SMYD3: variants seen among roughly 807,000 people sequenced by gnomAD.
SMYD3 encodes SET and MYND domain containing 3.
A neutral mutation model predicts 57.7 loss-of-function variants in SMYD3; 36 were observed. That is an observed-to-expected ratio of 0.62 (90% confidence interval 0.48 to 0.82). SMYD3 has a LOEUF of 0.82. Ranked by LOEUF, SMYD3 falls within the 40% of genes least tolerant of loss-of-function variation. SMYD3 has a pLI of 0.00. For synonymous variants in SMYD3, 211 were observed against 195.0 expected, an observed-to-expected ratio of 1.08 and a Z score of -0.68; for missense variants, 515 against 538.8, an observed-to-expected ratio of 0.96 and a Z score of 0.44.
intron 8 of SMYD3, among the ~76,000 whole-genome samples, chr1:245,882,015 C>T (rs1279490151): frequency 1.3e-5 from 2 of 152,170 alleles, no homozygotes; most frequent in East Asian, 3.9e-4. Flanking sequence ...ATCTCCCCTC[C>T]AAGAAAGTGG....
rs532792957 is a variant in SMYD3 at position 246,356,539 on chromosome 1, G to A, written c.165-1445C>T. On this transcript the variant is annotated intron_variant, in intron 1 of 11. Coordinates refer to ENST00000490107, the MANE Select transcript of SMYD3 (RefSeq NM_001167740.2). ...AAGTGAACTCCAACTTAAAGAAATC[G>A]AAAACCTGATACAGAATATGAAAGG... Among the ~76,000 whole-genome samples the A allele has an allele frequency of 7.8e-4, 118 of 152,120 alleles. 1 individual carries two copies. Among genetic ancestry groups the A allele is most frequent in the African/African-American group, 2.7e-3 (113 of 41,478 alleles).
chr1:246,350,083 G>A (rs891608061), intron 2 of SMYD3, among the ~76,000 whole-genome samples: 1 of 152,134 alleles, frequency 6.6e-6, no homozygotes, highest in Non-Finnish European at 1.5e-5. Flanking sequence ...AAGATATACC[G>A]TGCTAACACT....
chr1:246,332,576 C>T (rs951383340), intron 3 of SMYD3, among the ~76,000 whole-genome samples: 1 of 152,222 alleles, frequency 6.6e-6, no homozygotes, highest in East Asian at 1.9e-4. Flanking sequence ...AAGGCCAAGG[C>T]GGGCAGATCA....
chr1:246,199,608 T>C (rs1017784733), intron 5 of SMYD3, among the ~76,000 whole-genome samples: 4 of 152,216 alleles, frequency 2.6e-5, no homozygotes, highest in Admixed American at 6.5e-5. Context: ...GGACAACGTT[T>C]GACACATTTC....
At chr1:246,125,541 T>G (rs2061497218) in intron 5 of SMYD3, among the ~76,000 whole-genome samples, 1 of 152,150 alleles carries the variant, frequency 6.6e-6, no homozygotes, top group African/African-American at 2.4e-5. Context: ...AATTTAAAAT[T>G]TTTAGCTATT....
intron 10 of SMYD3, among the ~76,000 whole-genome samples, chr1:245,824,897 G>A (rs985487006): frequency 1.3e-5 from 2 of 150,268 alleles, no homozygotes; most frequent in African/African-American, 2.4e-5. Flanking sequence ...CGGGTGTGGC[G>A]GCGTGTACCT....
At chr1:246,353,650 T>C (rs1322085352) in intron 2 of SMYD3, among the ~76,000 whole-genome samples, 1 of 152,258 alleles carries the variant, frequency 6.6e-6, no homozygotes, top group Non-Finnish European at 1.5e-5. Flanking sequence ...AAAGTCTGAA[T>C]ACCTGGGTTT....
chr1:246,282,340 A>G (rs1213322345), intron 5 of SMYD3, among the ~76,000 whole-genome samples: 2 of 120,728 alleles, frequency 1.7e-5, no homozygotes, highest in South Asian at 2.7e-4. Context: ...AAAAAAAAAA[A>G]GCAAAAAAAT....
chr1:246,125,059 G>C (rs1333665469), intron 5 of SMYD3, among the ~76,000 whole-genome samples: 2 of 98,592 alleles, frequency 2.0e-5, no homozygotes, highest in African/African-American at 4.8e-5. Flanking sequence ...GCGACAGAGC[G>C]AGACTCCGTC....
chr1:246,411,295 G>C (rs1340924792), intron 1 of SMYD3, among the ~76,000 whole-genome samples: 2 of 152,186 alleles, frequency 1.3e-5, no homozygotes, highest in Non-Finnish European at 2.9e-5. Context: ...ACACCAGTTA[G>C]AATGGCAATC....
At chr1:246,191,833 C>T (rs180995792) in intron 5 of SMYD3, among the ~76,000 whole-genome samples, 6 of 152,300 alleles carry the variant, frequency 3.9e-5, no homozygotes, top group East Asian at 3.9e-4. Context: ...AGTATGGCCA[C>T]GGACCAACAG....
At chr1:245,760,754 T>C (rs558795137) in intron 11 of SMYD3, among the ~76,000 whole-genome samples, 4 of 152,110 alleles carry the variant, frequency 2.6e-5, no homozygotes, top group South Asian at 2.1e-4. Flanking sequence ...GGAGCAGTCA[T>C]AGAACATAAT....
intron 5 of SMYD3, among the ~76,000 whole-genome samples, chr1:246,159,274 C>T (rs1364299878): frequency 1.3e-5 from 2 of 152,136 alleles, no homozygotes; most frequent in Non-Finnish European, 2.9e-5. Context: ...CATTAGGGAG[C>T]CAAGCTCCTT....
intron 5 of SMYD3, among the ~76,000 whole-genome samples, chr1:245,965,204 C>T (rs926273675): frequency 6.6e-6 from 1 of 152,066 alleles, no homozygotes; most frequent in Non-Finnish European, 1.5e-5. Context: ...ATTACGTATG[C>T]ATATATATGC....
intron 11 of SMYD3, among the ~76,000 whole-genome samples, chr1:245,757,916 A>C (rs2045678353): frequency 6.6e-6 from 1 of 152,032 alleles, no homozygotes; most frequent in Non-Finnish European, 1.5e-5. Flanking sequence ...GGATTCCTTG[A>C]GGTTCCATAT....
At position 246,338,253 on chromosome 1, in the gene SMYD3, G is replaced by A. The variant is rs76658454; in HGVS notation, c.229-2779C>T. Among the ~76,000 whole-genome samples, 1,245 of 152,208 alleles carry A rather than the reference G, an allele frequency of 8.2e-3. 18 individuals are homozygous for A. The highest frequency in any genetic ancestry group is 0.028 in the African/African-American group (1,153 of 41,536). On this transcript the variant is annotated intron_variant, in intron 2 of 11. Transcript: ENST00000490107. ...CTTCACCTATCACATCTTACCATAAGGGTTACGAATACAAGCATACCATAG... is the reference window on the plus strand; with the variant it reads ...CTTCACCTATCACATCTTACCATAAAGGTTACGAATACAAGCATACCATAG...
chr1:246,261,218 C>T (rs1418507757), intron 5 of SMYD3, among the ~76,000 whole-genome samples: 1 of 152,078 alleles, frequency 6.6e-6, no homozygotes, highest in African/African-American at 2.4e-5. Context: ...GCCACCACGC[C>T]TGGCTAATTT....
At chr1:245,845,487 A>G (rs368313170) in intron 10 of SMYD3, among the ~76,000 whole-genome samples, 26 of 152,212 alleles carry the variant, frequency 1.7e-4, no homozygotes, top group Non-Finnish European at 3.1e-4. Context: ...GAGAACCTCC[A>G]TAGAGTATGT....
Position 246,148,344 on chromosome 1 carries a change from G to A in SMYD3, c.531+178857C>T, listed in dbSNP as rs559469853. Among the ~76,000 whole-genome samples, 7 of 152,164 alleles carry A rather than the reference G, an allele frequency of 4.6e-5. No individual in the cohort carries two copies. The East Asian group carries it at 1.4e-3, about 29-fold the overall frequency. ...GTCTGAACGGCCTGCTTGTGAAGAG[G>A]AGCCACCATCTCCAGGGCCTCCTCT... On this transcript the variant is annotated intron_variant, in intron 5 of 11. Coordinates refer to ENST00000490107, the MANE Select transcript of SMYD3 (RefSeq NM_001167740.2).
Sources: allele counts gnomAD v4.1 joint callset (sites outside exome capture counted in the v4.1 genomes callset), GRCh38; gene constraint gnomAD v4.1.1; transcripts MANE v1.5; gene names NCBI Gene and HGNC (gene_info 2026-07-23, HGNC 2026-07-21).